The following PLD5 variants were observed in gnomAD, a reference collection of about 807,000 sequenced individuals.
The protein encoded by PLD5 is inactive phospholipase D5.
PLD5 carries 36 observed loss-of-function variants against 61.1 expected under a neutral mutation model. That is an observed-to-expected ratio of 0.59 (90% confidence interval 0.45 to 0.78). The LOEUF (loss-of-function observed/expected upper bound fraction) is 0.78. Among genes scored for constraint, PLD5 ranks in the 30% least tolerant of loss-of-function variants. The pLI, the probability that PLD5 is intolerant of heterozygous loss-of-function variation, is 0.00. For synonymous variants in PLD5, 243 were observed against 242.8 expected, an observed-to-expected ratio of 1.00 and a Z score of -0.01; for missense variants, 515 against 644.4, an observed-to-expected ratio of 0.80 and a Z score of 2.17.
intron 1 of PLD5, among the ~76,000 whole-genome samples, chr1:242,369,183 T>C (rs1661498873): frequency 6.6e-6 from 1 of 152,190 alleles, no homozygotes; most frequent in East Asian, 1.9e-4. Context: ...GTGAAAAATA[T>C]ATGTCTTCCA....
At chr1:242,262,690 G>A (rs866702510) in intron 4 of PLD5, among the ~76,000 whole-genome samples, 61 of 152,258 alleles carry the variant, frequency 4.0e-4, no homozygotes, top group African/African-American at 1.2e-3. Flanking sequence ...CTCATTAGAT[G>A]TGGCGTACGA....
intron 1 of PLD5, among the ~76,000 whole-genome samples, chr1:242,520,316 T>C (rs1669238979): frequency 6.6e-6 from 1 of 152,146 alleles, no homozygotes; most frequent in African/African-American, 2.4e-5. Flanking sequence ...ATATGTGAGG[T>C]GGAAAGTATA....
intron 1 of PLD5, among the ~76,000 whole-genome samples, chr1:242,502,809 C>T (rs1668598307): frequency 6.6e-6 from 1 of 151,864 alleles, no homozygotes; most frequent in African/African-American, 2.4e-5. Context: ...GCCTGTAATC[C>T]CAGCACTTTG....
At chr1:242,476,726 C>A (rs1208073192) in intron 1 of PLD5, among the ~76,000 whole-genome samples, 1 of 152,176 alleles carries the variant, frequency 6.6e-6, no homozygotes, top group East Asian at 1.9e-4. Context: ...AACTGGAATT[C>A]AGATACTTCT....
At chr1:242,119,378 C>T (rs972306261) in intron 6 of PLD5, among the ~76,000 whole-genome samples, 7 of 152,068 alleles carry the variant, frequency 4.6e-5, no homozygotes, top group African/African-American at 1.7e-4. Flanking sequence ...AAACCAGACA[C>T]CTGAACCCAG....
Position 242,136,870 on chromosome 1 carries a change from C to T in PLD5, c.736-12205G>A, listed in dbSNP as rs538264879. ...ATGGAAGGAAGTCATCTTAAGTATCCGGGATGGGAGACAGTCCAATAGCTG... is the reference window on the plus strand; with the variant it reads ...ATGGAAGGAAGTCATCTTAAGTATCTGGGATGGGAGACAGTCCAATAGCTG... On this transcript the variant is annotated intron_variant, in intron 5 of 9. Coordinates refer to ENST00000536534, the MANE Select transcript of PLD5 (RefSeq NM_001372062.1). 4.6e-5 allele frequency among the ~76,000 whole-genome samples: 7 copies of T among 152,164 alleles called. No individual in the cohort carries two copies. The East Asian group carries it at 7.7e-4, about 17-fold the overall frequency.
intron 7 of PLD5, among the ~76,000 whole-genome samples, chr1:242,110,618 T>A (rs545352255): frequency 6.6e-6 from 1 of 152,284 alleles, no homozygotes; most frequent in South Asian, 2.1e-4. Context: ...GAGACCAGCC[T>A]GGCCAACATG....
chr1:242,297,329 G>C (rs2149152624), intron 2 of PLD5, among the ~76,000 whole-genome samples: 1 of 106,738 alleles, frequency 9.4e-6, no homozygotes, highest in South Asian at 3.8e-4. Context: ...GGGTGACAGA[G>C]TGAGACTCCT....
rs1181230894 is a variant in PLD5 at position 242,124,640 on chromosome 1, TAGA to T, written c.758_760del (p.Phe253del). On this transcript the variant is annotated inframe_deletion, in exon 6 of 10. Coordinates refer to ENST00000536534, the MANE Select transcript of PLD5 (RefSeq NM_001372062.1). ...ATCTAGGACCAGGCAGCTGCAGTTG[TAGA>T]AGATGACACCGAGTTCTTTCATCTG... 6.2e-7 allele frequency: 1 copy of T among 1,613,796 alleles called. No individual in the cohort carries two copies. The highest frequency in any genetic ancestry group is 8.5e-7 in the Non-Finnish European group (1 of 1,179,774).
At chr1:242,380,604 T>A (rs568210750) in intron 1 of PLD5, among the ~76,000 whole-genome samples, 2 of 152,108 alleles carry the variant, frequency 1.3e-5, no homozygotes, top group South Asian at 4.2e-4. Flanking sequence ...TAACCATGAG[T>A]TCCAGACAAC....
intron 9 of PLD5, among the ~76,000 whole-genome samples, chr1:242,091,646 C>T (rs549478441): frequency 8.5e-5 from 13 of 152,144 alleles, no homozygotes; most frequent in Admixed American, 1.3e-4. Flanking sequence ...TTCTTTAAAT[C>T]GATAGAATAA....
At chr1:242,352,137 A>G (rs1660511930) in intron 1 of PLD5, among the ~76,000 whole-genome samples, 1 of 152,294 alleles carries the variant, frequency 6.6e-6, no homozygotes, top group Non-Finnish European at 1.5e-5. Flanking sequence ...ATGCTATGCA[A>G]CAGATCTCAA....
intron 1 of PLD5, chr1:242,377,209 C>G: frequency 2.5e-6 from 4 of 1,611,574 alleles, no homozygotes; most frequent in East Asian, 2.2e-5. Context: ...AGGCCACACT[C>G]CCGGCACTGG....
intron 1 of PLD5, among the ~76,000 whole-genome samples, chr1:242,352,185 T>G (rs1660514797): frequency 6.6e-6 from 1 of 152,200 alleles, no homozygotes; most frequent in Non-Finnish European, 1.5e-5. Flanking sequence ...TTAGGCTTTG[T>G]ACCCTTTGAT....
intron 2 of PLD5, among the ~76,000 whole-genome samples, chr1:242,323,212 A>G (rs1658533405): frequency 6.6e-6 from 1 of 152,208 alleles, no homozygotes; most frequent in Non-Finnish European, 1.5e-5. Context: ...GAAAAAAAAG[A>G]AAACTCCAGG....
intron 3 of PLD5, among the ~76,000 whole-genome samples, chr1:242,277,943 A>G (rs1674504499): frequency 6.6e-6 from 1 of 152,212 alleles, no homozygotes; most frequent in African/African-American, 2.4e-5. Flanking sequence ...AGATCACGCC[A>G]CTGCACTCCA....
chr1:242,436,637 T>C (rs1666010249), intron 1 of PLD5, among the ~76,000 whole-genome samples: 1 of 152,180 alleles, frequency 6.6e-6, no homozygotes, highest in African/African-American at 2.4e-5. Flanking sequence ...TATAAAGAGA[T>C]TTGATGTTTA....
intron 5 of PLD5, among the ~76,000 whole-genome samples, chr1:242,181,009 CAAAA>C (rs1189206860): frequency 6.6e-6 from 1 of 151,800 alleles, no homozygotes; most frequent in African/African-American, 2.4e-5. Flanking sequence ...AACAAACAAA[CAAAA>C]AAACACAAAA....
intron 5 of PLD5, among the ~76,000 whole-genome samples, chr1:242,171,982 A>G (rs941100242): frequency 7.9e-5 from 12 of 152,246 alleles, no homozygotes; most frequent in Non-Finnish European, 2.9e-5. Context: ...TATTAGACCA[A>G]TGAGACAGAA....
Sources: allele counts gnomAD v4.1 joint callset (sites outside exome capture counted in the v4.1 genomes callset), GRCh38; gene constraint gnomAD v4.1.1; transcripts MANE v1.5; gene names NCBI Gene and HGNC (gene_info 2026-07-23, HGNC 2026-07-21).